Variants in USP37 observed in about 807,000 individuals in gnomAD.
USP37 encodes ubiquitin specific peptidase 37, also known as ubiquitin carboxyl-terminal hydrolase 37.
Under a neutral mutation model 124.0 loss-of-function variants are expected in USP37, and 27 were observed. That is an observed-to-expected ratio of 0.22 (90% CI 0.16 to 0.30). USP37 has a LOEUF of 0.30. USP37 is among the 10% of genes least tolerant of loss of function. USP37 has a pLI of 1.00. For missense variants in USP37, 889 were observed against 1,140.4 expected (o/e 0.78, Z 3.17); for synonymous variants, 365 against 388.0 (o/e 0.94, Z 0.70).
chr2:218,508,068 G>C (rs1265488785), intron 11 of USP37, among the ~76,000 whole-genome samples: 1 of 152,166 alleles, frequency 6.6e-6, no homozygotes, highest in African/African-American at 2.4e-5. Context: ...CAGGAACACT[G>C]AAGGAATTTG....
At chr2:218,520,145 C>G (rs1690524645) in intron 10 of USP37, among the ~76,000 whole-genome samples, 1 of 151,916 alleles carries the variant, frequency 6.6e-6, no homozygotes, top group East Asian at 1.9e-4. Context: ...ACCATGTTGT[C>G]CAGGCTGGTC....
intron 11 of USP37, among the ~76,000 whole-genome samples, chr2:218,509,527 C>T (rs485975): frequency 0.66 from 100,488 of 151,752 alleles, 33,716 homozygotes; most frequent in East Asian, 0.9. Flanking sequence ...GGAGGGAGGA[C>T]TGCTTGAGGC....
intron 10 of USP37, among the ~76,000 whole-genome samples, chr2:218,521,884 T>TC (rs1319442981): frequency 1.3e-5 from 2 of 152,182 alleles, no homozygotes; most frequent in African/African-American, 4.8e-5. Flanking sequence ...CGTTGTCTTT[T>TC]CCAGTTTTGA....
chr2:218,566,046 T>C (rs566168755), intron 1 of USP37, among the ~76,000 whole-genome samples: 1 of 152,154 alleles, frequency 6.6e-6, no homozygotes, highest in Admixed American at 6.5e-5. Flanking sequence ...AAAAACTCCA[T>C]CTCAAAAAAT....
chr2:218,458,270 A>AC (rs1230662933), intron 23 of USP37, among the ~76,000 whole-genome samples: 2 of 149,484 alleles, frequency 1.3e-5, no homozygotes, highest in Admixed American at 6.7e-5. Context: ...AAAAAAAAAA[A>AC]AAAAAACAAC....
chr2:218,493,905 T>G (rs543847214), intron 14 of USP37, among the ~76,000 whole-genome samples: 5 of 152,344 alleles, frequency 3.3e-5, no homozygotes, highest in African/African-American at 9.6e-5. Flanking sequence ...AAAAAAAATT[T>G]GAATGGTACG....
chr2:218,512,634 C>CACACTTATTAGACA (rs1470561656), intron 10 of USP37, among the ~76,000 whole-genome samples: 1 of 152,080 alleles, frequency 6.6e-6, no homozygotes, highest in African/African-American at 2.4e-5. Context: ...GTGTAAATAA[C>CACACTTATTAGACA]CTTATTAGTG....
At chr2:218,486,764 C>T (rs1464195607) in intron 15 of USP37, among the ~76,000 whole-genome samples, 1 of 151,910 alleles carries the variant, frequency 6.6e-6, no homozygotes, top group Non-Finnish European at 1.5e-5. Flanking sequence ...CTTGCTCTGT[C>T]GCCCAGGCTG....
intron 17 of USP37, among the ~76,000 whole-genome samples, chr2:218,481,661 C>T (rs1270946204): frequency 6.6e-6 from 1 of 150,524 alleles, no homozygotes; most frequent in Non-Finnish European, 1.5e-5. Context: ...CCTTCTTGGT[C>T]TGATTTCTTT....
chr2:218,459,512 G>A (rs577478494), intron 23 of USP37, among the ~76,000 whole-genome samples: 1 of 152,334 alleles, frequency 6.6e-6, no homozygotes, highest in African/African-American at 2.4e-5. Flanking sequence ...GCCAACTAAA[G>A]GTAATTTAAT....
chr2:218,552,780 T>C (rs1322586970), intron 5 of USP37, among the ~76,000 whole-genome samples: 2 of 152,104 alleles, frequency 1.3e-5, no homozygotes, highest in East Asian at 1.9e-4. Flanking sequence ...TTCATATAGA[T>C]AGGTAAGTGT....
chr2:218,561,143 A>G (rs1044408625), intron 2 of USP37, among the ~76,000 whole-genome samples: 1 of 152,222 alleles, frequency 6.6e-6, no homozygotes, highest in Admixed American at 6.5e-5. Context: ...TTGAGCCAGC[A>G]ATGTATATCT....
Position 218,495,954 on chromosome 2 carries a change from A to G in USP37, c.1282-4T>C. The G allele has an allele frequency of 2.5e-6, 4 of 1,607,152 alleles. No homozygotes were observed. Among genetic ancestry groups the G allele is most frequent in the East Asian group, 2.2e-5 (1 of 44,864 alleles). ...GACTTAAAAATTCATGAGCATCCTA[A>G]TAAGACAACAATATCCTTAATCAGA... On this transcript the variant is annotated splice_region_variant and splice_polypyrimidine_tract_variant and intron_variant, in intron 13 of 25. Coordinates refer to ENST00000258399, the MANE Select transcript of USP37 (RefSeq NM_020935.3).
At chr2:218,480,480 A>T (rs1392859521) in intron 17 of USP37, among the ~76,000 whole-genome samples, 1 of 151,684 alleles carries the variant, frequency 6.6e-6, no homozygotes, top group Non-Finnish European at 1.5e-5. Context: ...GCTCTCCTTG[A>T]TCCAATAATC....
Position 218,474,730 on chromosome 2 carries a change from A to C in USP37, c.2199T>G (p.Thr733=). Residue 733 remains threonine (T), a synonymous_variant, in exon 20 of 26, where the codon ACT becomes ACG. Coordinates refer to ENST00000258399, the MANE Select transcript of USP37 (RefSeq NM_020935.3). ...CTGCAAATCCGGTATCTGGGCTGCT[A>C]GTTGGCTTATCATCATCTTCATGAC... is the stretch of plus-strand genomic sequence containing the variant. ...SLSHEDDDKP[T]SSPDTGFAED... is the part of the protein sequence containing the mutation. The C allele has an allele frequency of 6.2e-7, 1 of 1,614,114 alleles. No homozygotes were observed. The highest frequency in any genetic ancestry group is 8.5e-7 in the Non-Finnish European group (1 of 1,180,024).
chr2:218,464,002 C>T (rs1353677172), intron 21 of USP37, among the ~76,000 whole-genome samples: 4 of 150,966 alleles, frequency 2.6e-5, no homozygotes, highest in Non-Finnish European at 5.9e-5. Context: ...ACTACAGGTG[C>T]GTGCCACCAC....
chr2:218,483,233 A>G (rs1014366619), intron 16 of USP37, among the ~76,000 whole-genome samples: 1 of 152,212 alleles, frequency 6.6e-6, no homozygotes, highest in African/African-American at 2.4e-5. Flanking sequence ...ATAAAAGGTA[A>G]TATGAGGCTA....
At chr2:218,461,801 G>T (rs1690025898) in intron 22 of USP37, among the ~76,000 whole-genome samples, 1 of 151,952 alleles carries the variant, frequency 6.6e-6, no homozygotes, top group African/African-American at 2.4e-5. Context: ...CCTGAGATCA[G>T]GAGTTCGAGA....
chr2:218,515,402 AGCCATCTGATCTTT>A (rs1183231091), intron 10 of USP37, among the ~76,000 whole-genome samples: 5 of 152,186 alleles, frequency 3.3e-5, no homozygotes, highest in African/African-American at 1.2e-4. Flanking sequence ...ACACATCTAC[AGCCATCTGATCTTT>A]GACAAACCTG....
Sources: gnomAD v4.1 joint callset for allele counts (sites outside exome capture counted in the v4.1 genomes callset) on GRCh38, gnomAD v4.1.1 for gene constraint, MANE v1.5 for transcripts, NCBI Gene and HGNC (gene_info 2026-07-23, HGNC 2026-07-21) for gene names.